NAA11: variants seen among roughly 807,000 people sequenced by gnomAD.
NAA11 encodes N-alpha-acetyltransferase 11, NatA catalytic subunit, also known as N-alpha-acetyltransferase 11.
NAA11 carries 15 observed loss-of-function variants against 16.1 expected under a neutral mutation model. The observed-to-expected ratio is 0.93, with a 90% confidence interval of 0.62 to 1.44. NAA11 has a LOEUF of 1.44. Ranked by LOEUF, NAA11 falls within the 40% of genes most tolerant of loss-of-function variation. The pLI is 0.00. For synonymous variants in NAA11, 122 were observed against 112.4 expected, an observed-to-expected ratio of 1.09 and a Z score of -0.54; for missense variants, 298 against 291.3, an observed-to-expected ratio of 1.02 and a Z score of -0.17.
At chr4:79,219,501 T>A in the NAA11 span, among the ~76,000 whole-genome samples, 1 of 152,182 alleles carries the variant, frequency 6.6e-6, no homozygotes, top group Non-Finnish European at 1.5e-5. Flanking sequence ...TCAATCTCCT[T>A]TTCTGTGATT....
intron 2 of NAA11, among the ~76,000 whole-genome samples, chr4:79,278,497 T>C (rs188887679): frequency 2.0e-5 from 3 of 152,236 alleles, no homozygotes; most frequent in Admixed American, 6.5e-5. Context: ...AATTCTATTA[T>C]CTTTGATGAC....
chr4:79,281,892 C>T (rs903665560), intron 2 of NAA11, among the ~76,000 whole-genome samples: 1 of 152,030 alleles, frequency 6.6e-6, no homozygotes, highest in African/African-American at 2.4e-5. Context: ...CAAAATAGAA[C>T]AACAACAACA....
At position 79,248,998 on chromosome 4, in the gene NAA11, C is replaced by A. The variant is rs190526720; in HGVS notation, c.*123-22728G>T. On this transcript the variant is annotated intron_variant and NMD_transcript_variant, in intron 2 of 2. Coordinates refer to the NAA11 transcript ENST00000511542. ...CAGTCTGGGAGCACTTGAGCCCCCC[C>A]CCAGTGCAGCAGGTTCCTAACTGTG... 1.1e-3 allele frequency among the ~76,000 whole-genome samples: 172 copies of A among 152,230 alleles called. 1 individual carries two copies. Among genetic ancestry groups the A allele is most frequent in the African/African-American group, 3.9e-3 (161 of 41,582 alleles).
chr4:79,325,166 G>T lies in NAA11; in HGVS notation c.*12+10C>A. 1.9e-6 allele frequency: 3 copies of T among 1,575,034 alleles called. No homozygotes were observed. Among genetic ancestry groups the T allele is most frequent in the South Asian group, 2.3e-5 (2 of 85,818 alleles). On this transcript the variant is annotated intron_variant, in intron 1 of 1. Transcript: ENST00000286794. ...GAGAAGGGGGTACTGGGTCAGGGAA[G>T]ACAGAATACCTTAAGCATGCTCTAG...
intron 2 of NAA11, among the ~76,000 whole-genome samples, chr4:79,254,055 A>G (rs1429369625): frequency 6.6e-6 from 1 of 152,208 alleles, no homozygotes; most frequent in East Asian, 1.9e-4. Flanking sequence ...CAGGAGTGGC[A>G]GGCCTGCCAC....
intron 2 of NAA11, among the ~76,000 whole-genome samples, chr4:79,282,914 A>G (rs186740615): frequency 3.0e-4 from 45 of 152,244 alleles, no homozygotes; most frequent in Non-Finnish European, 1.5e-5. Flanking sequence ...TTTCAAATGT[A>G]GCAGAGAATA....
the NAA11 span, among the ~76,000 whole-genome samples, chr4:79,211,211 C>T: frequency 5.3e-5 from 8 of 151,994 alleles, no homozygotes; most frequent in African/African-American, 1.9e-4. Context: ...TATATGCATG[C>T]AATATAAAAC....
At chr4:79,270,009 G>A (rs1372222968) in intron 2 of NAA11, among the ~76,000 whole-genome samples, 6 of 151,700 alleles carry the variant, frequency 4.0e-5, no homozygotes, top group Non-Finnish European at 8.8e-5. Flanking sequence ...AGATCAGACA[G>A]TTGTAGGTAT....
the NAA11 span, among the ~76,000 whole-genome samples, chr4:79,215,587 T>C: frequency 6.6e-6 from 1 of 152,236 alleles, no homozygotes; most frequent in Non-Finnish European, 1.5e-5. Flanking sequence ...CAGGTAGTTT[T>C]CCTGAGCCTT....
intron 2 of NAA11, among the ~76,000 whole-genome samples, chr4:79,262,554 A>G (rs1207466679): frequency 1.3e-5 from 2 of 152,134 alleles, no homozygotes; most frequent in Non-Finnish European, 2.9e-5. Context: ...TTATTCAGCA[A>G]CAAGGAGAAA....
In NAA11 at chr4:79,325,514, A is replaced by T. The variant is rs754548305; in HGVS notation, c.364T>A (p.Tyr122Asn). The change falls in exon 1 of 2, where the codon TAT becomes AAT. Residue 122 changes from tyrosine to asparagine, a missense_variant. Physicochemically the swap from Tyr to Asn is moderately radical, Grantham distance 143. Transcript: ENST00000286794. ...ATCTGAAAGTTGAGGGTGTTAGAAT[A>T]AAGGTGCAAGGCTGGCCGGTTACTC... ...RKSNRPALHL[Y>N]SNTLNFQISE... is the part of the protein sequence containing the mutation. The T allele has an allele frequency of 3.7e-5, 60 of 1,614,048 alleles. No individual in the cohort carries two copies. In the South Asian group the frequency reaches 6.3e-4, roughly 17 times the overall value.
chr4:79,312,516 T>G (rs537050311), downstream of NAA11, among the ~76,000 whole-genome samples: 4 of 151,940 alleles, frequency 2.6e-5, no homozygotes, highest in South Asian at 8.3e-4. Flanking sequence ...CCAGGCGTCG[T>G]GGCACATACC....
At chr4:79,226,222 TC>T (rs1294753414) in exon 3 of NAA11, 1 of 151,944 alleles carries the variant, frequency 6.6e-6, no homozygotes, top group Admixed American at 6.6e-5. Flanking sequence ...ATCCTGTTGT[TC>T]CCCCATTCCT....
chr4:79,192,402 T>C, the NAA11 span, among the ~76,000 whole-genome samples: 1 of 112,296 alleles, frequency 8.9e-6, no homozygotes, highest in Non-Finnish European at 1.7e-5. Context: ...CAACAGGCCC[T>C]GGTGTGTGAT....
chr4:79,213,320 A>C, the NAA11 span, among the ~76,000 whole-genome samples: 20 of 152,264 alleles, frequency 1.3e-4, no homozygotes, highest in East Asian at 2.1e-3. Context: ...GTAAGCAGTA[A>C]AAGTGATCAG....
At chr4:79,200,367 T>G in the NAA11 span, among the ~76,000 whole-genome samples, 5 of 151,838 alleles carry the variant, frequency 3.3e-5, no homozygotes, top group African/African-American at 1.2e-4. Context: ...TCTACCTTCA[T>G]AGAATTTTTG....
chr4:79,303,074 T>TATATATA (rs1560462860), intron 1 of NAA11, among the ~76,000 whole-genome samples: 1 of 72,284 alleles, frequency 1.4e-5, no homozygotes. Flanking sequence ...TCTTGAGGCC[T>TATATATA]TTTATATATA....
chr4:79,175,246 A>C, the NAA11 span, among the ~76,000 whole-genome samples: 1 of 152,166 alleles, frequency 6.6e-6, no homozygotes, highest in African/African-American at 2.4e-5. Context: ...GTCTGATTGC[A>C]TTATGTTCTG....
At chr4:79,172,566 C>G in the NAA11 span, among the ~76,000 whole-genome samples, 1 of 152,006 alleles carries the variant, frequency 6.6e-6, no homozygotes, top group Non-Finnish European at 1.5e-5. Context: ...GTCAGTAACA[C>G]TCAAAGTTTA....
Sources: gnomAD v4.1 joint callset for allele counts (sites outside exome capture counted in the v4.1 genomes callset) on GRCh38, gnomAD v4.1.1 for gene constraint, MANE v1.5 for transcripts, NCBI Gene and HGNC (gene_info 2026-07-23, HGNC 2026-07-21) for gene names.